The following LIN28B variants were observed in gnomAD, a reference collection of about 807,000 sequenced individuals.
LIN28B encodes protein lin-28 homolog B.
LIN28B carries 5 observed loss-of-function variants against 21.9 expected under a neutral mutation model. The ratio of observed to expected loss-of-function variants is 0.23; its 90% confidence interval spans 0.12 to 0.48. The LOEUF is 0.48. LIN28B is among the 20% of genes least tolerant of loss of function. The pLI is 0.98. For missense variants in LIN28B, 245 were observed against 310.5 expected (o/e 0.79, Z 1.58); for synonymous variants, 109 against 111.3 (o/e 0.98, Z 0.13).
chr6:105,023,224 TATA>T (rs1562096062), intron 2 of LIN28B, among the ~76,000 whole-genome samples: 3 of 98,892 alleles, frequency 3.0e-5, no homozygotes, highest in Admixed American at 1.8e-4. Flanking sequence ...TATATATATA[TATA>T]ATATATATTA....
chr6:104,950,085 CATG>C (rs1778203110), intron 2 of LIN28B, among the ~76,000 whole-genome samples: 1 of 151,962 alleles, frequency 6.6e-6, no homozygotes, highest in Non-Finnish European at 1.5e-5. Flanking sequence ...CTTCAAGAAA[CATG>C]ATATTCTAGG....
At chr6:105,061,681 G>T (rs1005039366) in intron 3 of LIN28B, among the ~76,000 whole-genome samples, 4 of 152,034 alleles carry the variant, frequency 2.6e-5, no homozygotes, top group African/African-American at 9.7e-5. Context: ...GAAGTAAGTG[G>T]AAATTATGTT....
intron 2 of LIN28B, among the ~76,000 whole-genome samples, chr6:104,987,567 TCTC>T (rs1207228717): frequency 9.9e-5 from 15 of 152,056 alleles, no homozygotes; most frequent in Non-Finnish European, 2.2e-4. Context: ...CTCAAGCAGT[TCTC>T]CTGCCTTGGC....
rs76300431 is a variant in LIN28B, at chr6:104,957,240, C to T, written c.-11C>T. 8.8e-4 allele frequency: 1,413 copies of T among 1,612,690 alleles called. 8 individuals are homozygous for T. In the African/African-American group the frequency reaches 0.017, roughly 19 times the overall value. On this transcript the variant is annotated 5_prime_UTR_variant, in exon 1 of 4. Transcript: ENST00000345080. ...TCTCACGAGTTTGGAGCTGAGGGCC[C>T]GTGGGGCAACATGGCCGAAGGTTAA...
intron 3 of LIN28B, among the ~76,000 whole-genome samples, chr6:105,050,089 C>G (rs934289732): frequency 2.6e-5 from 4 of 152,166 alleles, no homozygotes; most frequent in Non-Finnish European, 5.9e-5. Context: ...GCAGTTTCTT[C>G]CTAGCATGAA....
chr6:104,966,336 G>A (rs907682905), intron 2 of LIN28B, among the ~76,000 whole-genome samples: 1 of 152,174 alleles, frequency 6.6e-6, no homozygotes, highest in South Asian at 2.1e-4. Context: ...GAGGGTTATG[G>A]TAAGGGTCAA....
chr6:104,967,347 A>AG (rs1449203787), intron 2 of LIN28B, among the ~76,000 whole-genome samples: 2 of 151,642 alleles, frequency 1.3e-5, no homozygotes, highest in African/African-American at 2.4e-5. Context: ...TGGGAGGCTG[A>AG]GGGGGGTGGA....
intron 2 of LIN28B, among the ~76,000 whole-genome samples, chr6:104,981,175 C>T (rs993229968): frequency 6.6e-6 from 1 of 152,116 alleles, no homozygotes; most frequent in Non-Finnish European, 1.5e-5. Context: ...ATTTTAAAAT[C>T]ATTCTACTCA....
chr6:105,037,520 CT>C (rs1281937626), intron 3 of LIN28B, among the ~76,000 whole-genome samples: 33 of 131,248 alleles, frequency 2.5e-4, no homozygotes, highest in East Asian at 5.2e-4. Flanking sequence ...CTTCCCCTCT[CT>C]TTTTTTTTTG....
intron 2 of LIN28B, among the ~76,000 whole-genome samples, chr6:104,966,779 G>A (rs556874347): frequency 6.6e-6 from 1 of 152,002 alleles, no homozygotes; most frequent in East Asian, 1.9e-4. Context: ...TCGCCACCAC[G>A]CCCGGCTAAT....
chr6:105,011,190 T>C (rs1770915446), intron 2 of LIN28B, among the ~76,000 whole-genome samples: 1 of 152,118 alleles, frequency 6.6e-6, no homozygotes, highest in South Asian at 2.1e-4. Context: ...ACATCAGTGT[T>C]CCTCCTTTTT....
chr6:104,969,127 AAAAG>A (rs1390602014), intron 2 of LIN28B, among the ~76,000 whole-genome samples: 2 of 152,142 alleles, frequency 1.3e-5, no homozygotes, highest in African/African-American at 2.4e-5. Flanking sequence ...TCACAAGAAA[AAAAG>A]CTCCTTTCAG....
chr6:105,040,451 C>T (rs1017147885), intron 3 of LIN28B, among the ~76,000 whole-genome samples: 3 of 151,934 alleles, frequency 2.0e-5, no homozygotes, highest in Admixed American at 2.0e-4. Context: ...TTTCTTCTTT[C>T]ATGGGAAAAA....
intron 3 of LIN28B, among the ~76,000 whole-genome samples, chr6:105,063,635 CGGGGG>C (rs762449779): frequency 3.1e-5 from 3 of 98,064 alleles, no homozygotes; most frequent in African/African-American, 6.8e-5. Flanking sequence ...GACTCCATCT[CGGGGG>C]GGGGGGGGAA....
chr6:104,991,451 G>A (rs1445118475), intron 2 of LIN28B, among the ~76,000 whole-genome samples: 5 of 150,904 alleles, frequency 3.3e-5, no homozygotes, highest in Admixed American at 2.6e-4. Context: ...CATCTCAGAC[G>A]ATGGGCGGCT....
chr6:105,030,592 C>CTTTTTTTTTTTTT (rs980799980), intron 3 of LIN28B, among the ~76,000 whole-genome samples: 25 of 106,588 alleles, frequency 2.3e-4, no homozygotes, highest in Non-Finnish European at 4.2e-4. Context: ...TTCTTTCTTT[C>CTTTTTTTTTTTTT]TTTTTTTTTT....
In LIN28B at chr6:105,037,445, A is replaced by G. The variant is rs556831802; in HGVS notation, c.383+10963A>G. On this transcript the variant is annotated intron_variant, in intron 3 of 3. Coordinates refer to ENST00000345080, the MANE Select transcript of LIN28B (RefSeq NM_001004317.4). ...TTAAAATAACAGATTAAGAGCTACAACTTTTCTCTCCTCCCCTCACTTCTC... is the reference window on the plus strand; with the variant it reads ...TTAAAATAACAGATTAAGAGCTACAGCTTTTCTCTCCTCCCCTCACTTCTC... 1.1e-3 allele frequency among the ~76,000 whole-genome samples: 170 copies of G among 151,520 alleles called. 1 individual carries two copies. The highest frequency in any genetic ancestry group is 3.4e-3 in the Middle Eastern group (1 of 292).
chr6:104,968,094 G>A (rs185478839), intron 2 of LIN28B, among the ~76,000 whole-genome samples: 71 of 152,322 alleles, frequency 4.7e-4, no homozygotes, highest in African/African-American at 1.6e-3. Context: ...TCGTGGTTCA[G>A]TAAAGCCAAC....
chr6:105,044,580 T>G (rs1771703199), intron 3 of LIN28B, among the ~76,000 whole-genome samples: 1 of 152,200 alleles, frequency 6.6e-6, no homozygotes, highest in South Asian at 2.1e-4. Flanking sequence ...GAAATTTCAA[T>G]TCCCACAATG....
Sources: allele counts gnomAD v4.1 joint callset (sites outside exome capture counted in the v4.1 genomes callset), GRCh38; gene constraint gnomAD v4.1.1; transcripts MANE v1.5; gene names NCBI Gene and HGNC (gene_info 2026-07-23, HGNC 2026-07-21).